Variants in IFT57 observed in about 807,000 individuals in gnomAD.
IFT57 encodes the protein intraflagellar transport protein 57 homolog.
Under a neutral mutation model 56.8 loss-of-function variants are expected in IFT57, and 59 were observed. The ratio of observed to expected loss-of-function variants is 1.04; its 90% confidence interval spans 0.84 to 1.29. The LOEUF (loss-of-function observed/expected upper bound fraction) is 1.29, where lower values mean the gene tolerates loss of function less well. Ranked by LOEUF, IFT57 falls within the 50% of genes most tolerant of loss-of-function variation. The pLI is 0.00. For missense variants in IFT57, 470 were observed against 522.1 expected (o/e 0.90, Z 0.97); for synonymous variants, 209 against 186.1 (o/e 1.12, Z -1.00).
intron 6 of IFT57, among the ~76,000 whole-genome samples, chr3:108,176,879 G>A (rs1290076952): frequency 1.3e-5 from 2 of 151,716 alleles, no homozygotes; most frequent in Non-Finnish European, 2.9e-5. Context: ...GGAATGCTTA[G>A]TATGTGTTAG....
chr3:108,217,729 A>T (rs1429750391), intron 3 of IFT57, among the ~76,000 whole-genome samples: 28 of 148,638 alleles, frequency 1.9e-4, no homozygotes, highest in Non-Finnish European at 2.7e-4. Context: ...GTTCTAATTA[A>T]AAAAAAAAAA....
intron 6 of IFT57, among the ~76,000 whole-genome samples, chr3:108,185,796 A>C (rs2080178567): frequency 6.6e-6 from 1 of 152,098 alleles, no homozygotes; most frequent in African/African-American, 2.4e-5. Flanking sequence ...TGACAGGAAG[A>C]GATAATCACC....
intron 7 of IFT57, 66 bp from the exon 8 acceptor site, chr3:108,167,051 A>G: frequency 1.4e-6 from 2 of 1,425,470 alleles, no homozygotes; most frequent in Non-Finnish European, 1.9e-6. Context: ...AATATTAAAA[A>G]TGGGTTACAT....
In IFT57 at chr3:108,166,794, C is replaced by G. The variant is rs1014611776; in HGVS notation, c.981+60G>C. ...GATTCTCAAATGAACAGTATTGTGT[C>G]AAGTTTAGGGTTTAGGGTTGTTAAC... On this transcript the variant is annotated intron_variant, in intron 8 of 10. Transcript: ENST00000264538. 5.1e-5 allele frequency: 74 copies of G among 1,438,216 alleles called. No individual in the cohort carries two copies. The African/African-American group carries it at 9.7e-4, about 19-fold the overall frequency. 89.1% of individuals were successfully genotyped at this position (1,438,216 alleles called of 1,614,324 possible).
chr3:108,192,050 T>C (rs1452468453), intron 5 of IFT57, among the ~76,000 whole-genome samples: 1 of 151,638 alleles, frequency 6.6e-6, no homozygotes, highest in Non-Finnish European at 1.5e-5. Context: ...TGGGCGCCTG[T>C]AGTCCCAGCT....
At chr3:108,193,659 T>C (rs2108318572) in intron 5 of IFT57, among the ~76,000 whole-genome samples, 1 of 152,300 alleles carries the variant, frequency 6.6e-6, no homozygotes, top group East Asian at 1.9e-4. Flanking sequence ...AAGAGTATCA[T>C]AGCTGGGGAA....
At chr3:108,199,715 G>T (rs970077494) in intron 5 of IFT57, among the ~76,000 whole-genome samples, 3 of 152,172 alleles carry the variant, frequency 2.0e-5, no homozygotes, top group African/African-American at 7.2e-5. Flanking sequence ...CAGGAATAGT[G>T]ACTAAAACAA....
intron 3 of IFT57, 144 bp downstream of exon 3, chr3:108,218,391 T>C: frequency 6.4e-6 from 3 of 468,904 alleles, no homozygotes; most frequent in Non-Finnish European, 1.2e-5. Flanking sequence ...TTGTCTATAC[T>C]GGCTTTTCTT....
intron 6 of IFT57, among the ~76,000 whole-genome samples, chr3:108,190,369 T>C (rs2080208534): frequency 6.6e-6 from 1 of 152,206 alleles, no homozygotes; most frequent in Non-Finnish European, 1.5e-5. Flanking sequence ...CCGCAAGTGT[T>C]AAGGGAGGAA....
At chr3:108,207,104 G>C (rs1371700590) in intron 4 of IFT57, among the ~76,000 whole-genome samples, 13 of 152,136 alleles carry the variant, frequency 8.5e-5, no homozygotes, top group Non-Finnish European at 1.6e-4. Context: ...GGACAAAAAT[G>C]AGAGGCTGAC....
chr3:108,213,910 A>G, intron 4 of IFT57, 21 bp downstream of exon 4: 2 of 1,459,978 alleles, frequency 1.4e-6, no homozygotes, highest in Non-Finnish European at 1.9e-6. Flanking sequence ...AAATGAACAG[A>G]AAGTTCAGCT....
At chr3:108,174,050 G>C (rs892531223) in intron 6 of IFT57, among the ~76,000 whole-genome samples, 15 of 148,280 alleles carry the variant, frequency 1.0e-4, no homozygotes, top group African/African-American at 3.7e-4. Flanking sequence ...GTGTGTTTAA[G>C]ACAGGGATTT....
chr3:108,187,381 A>C (rs2080189951), intron 6 of IFT57, among the ~76,000 whole-genome samples: 1 of 152,210 alleles, frequency 6.6e-6, no homozygotes, highest in Admixed American at 6.5e-5. Context: ...AATATACAAA[A>C]TAAAATATTG....
At chr3:108,190,383 G>A (rs1400969881) in intron 6 of IFT57, among the ~76,000 whole-genome samples, 1 of 152,186 alleles carries the variant, frequency 6.6e-6, no homozygotes, top group Non-Finnish European at 1.5e-5. Flanking sequence ...GGAGGAACCT[G>A]GTGGGAAGTG....
chr3:108,163,968 A>C (rs1332838593), intron 9 of IFT57, among the ~76,000 whole-genome samples: 1 of 152,002 alleles, frequency 6.6e-6, no homozygotes, highest in Non-Finnish European at 1.5e-5. Context: ...CTGTTTTCTC[A>C]TGTTGCAATA....
At chr3:108,196,962 T>C (rs2080247737) in intron 5 of IFT57, among the ~76,000 whole-genome samples, 1 of 152,166 alleles carries the variant, frequency 6.6e-6, no homozygotes, top group African/African-American at 2.4e-5. Context: ...TTGAGAAAAT[T>C]TTTCTTCCCA....
At chr3:108,174,108 A>T (rs1454393077) in intron 6 of IFT57, among the ~76,000 whole-genome samples, 1 of 150,970 alleles carries the variant, frequency 6.6e-6, no homozygotes, top group Admixed American at 6.6e-5. Context: ...AGAATATTCT[A>T]AATTTCCTAT....
chr3:108,194,612 A>G (rs1292427413), intron 5 of IFT57, among the ~76,000 whole-genome samples: 1 of 152,230 alleles, frequency 6.6e-6, no homozygotes, highest in African/African-American at 2.4e-5. Flanking sequence ...ACCATAACTA[A>G]AACAGCATGG....
chr3:108,222,305 G>C lies in IFT57; in HGVS notation c.18C>G (p.Ala6=). Residue 6 remains alanine (A), a synonymous_variant, in exon 1 of 11, where the codon GCC becomes GCG. Transcript: ENST00000264538. ...CTTCCAAACCCGACGTCGTGACGACGGCCAGAGCAGCAGTCATCGCAGAAC... is the reference window on the plus strand; with the variant it reads ...CTTCCAAACCCGACGTCGTGACGACCGCCAGAGCAGCAGTCATCGCAGAAC... MTAAL[A]VVTTSGLEDG... The C allele has an allele frequency of 1.2e-6, 2 of 1,612,330 alleles. No individual in the cohort carries two copies. The highest frequency in any genetic ancestry group is 1.7e-6 in the Non-Finnish European group (2 of 1,179,202).
Sources: gnomAD v4.1 joint callset for allele counts (sites outside exome capture counted in the v4.1 genomes callset) on GRCh38, gnomAD v4.1.1 for gene constraint, MANE v1.5 for transcripts, NCBI Gene and HGNC (gene_info 2026-07-23, HGNC 2026-07-21) for gene names.